LOC128125817: variants seen among roughly 807,000 people sequenced by gnomAD.
At chr1:41,593,729 C>T in the LOC128125817 span, among the ~76,000 whole-genome samples, 3 of 152,254 alleles carry the variant, frequency 2.0e-5, no homozygotes, top group South Asian at 4.1e-4. Context: ...ATTTGGTTCC[C>T]ATTGCTGCTG....
chr1:41,616,941 T>C, the LOC128125817 span, among the ~76,000 whole-genome samples: 1 of 152,172 alleles, frequency 6.6e-6, no homozygotes, highest in Admixed American at 6.5e-5. Context: ...ACAGGCACTA[T>C]TGCAATCCCT....
the LOC128125817 span, among the ~76,000 whole-genome samples, chr1:41,614,035 A>C: frequency 6.6e-6 from 1 of 152,210 alleles, no homozygotes; most frequent in African/African-American, 2.4e-5. Context: ...AATGCCTGTG[A>C]GATCACGCAG....
At chr1:41,587,964 C>A in the LOC128125817 span, among the ~76,000 whole-genome samples, 2 of 152,192 alleles carry the variant, frequency 1.3e-5, no homozygotes, top group Admixed American at 1.3e-4. Context: ...AGCATCTGAA[C>A]AATAGAGTTG....
the LOC128125817 span, among the ~76,000 whole-genome samples, chr1:41,613,867 T>C: frequency 0.093 from 14,121 of 152,282 alleles, 693 homozygotes; most frequent in Middle Eastern, 0.17. Context: ...TCCATCTCTA[T>C]AAATTTGCCT....
chr1:41,598,424 C>T, the LOC128125817 span, among the ~76,000 whole-genome samples: 1 of 152,218 alleles, frequency 6.6e-6, no homozygotes, highest in Non-Finnish European at 1.5e-5. Context: ...CACACACACA[C>T]TATAAGATGA....
the LOC128125817 span, among the ~76,000 whole-genome samples, chr1:41,626,488 TG>T: frequency 6.6e-6 from 1 of 152,118 alleles, no homozygotes. Flanking sequence ...ACAAAGAGTC[TG>T]GGCACGAAGC....
chr1:41,606,326 C>T, the LOC128125817 span, among the ~76,000 whole-genome samples: 1 of 151,984 alleles, frequency 6.6e-6, no homozygotes, highest in Non-Finnish European at 1.5e-5. Context: ...AATTTGTCCA[C>T]ATTCTCTACT....
the LOC128125817 span, among the ~76,000 whole-genome samples, chr1:41,609,512 G>A: frequency 6.6e-6 from 1 of 152,092 alleles, no homozygotes; most frequent in Non-Finnish European, 1.5e-5. Flanking sequence ...TACCACAGCT[G>A]AGATTCAGCG....
the LOC128125817 span, among the ~76,000 whole-genome samples, chr1:41,586,020 G>A: frequency 1.3e-5 from 2 of 152,236 alleles, no homozygotes; most frequent in Non-Finnish European, 2.9e-5. Flanking sequence ...GCCACAGCCT[G>A]TGAGAACTTA....
At chr1:41,588,826 G>A in the LOC128125817 span, among the ~76,000 whole-genome samples, 1 of 152,122 alleles carries the variant, frequency 6.6e-6, no homozygotes, top group African/African-American at 2.4e-5. Flanking sequence ...CCACACTGGG[G>A]CTTGGACTTC....
chr1:41,610,914 A>G, the LOC128125817 span, among the ~76,000 whole-genome samples: 3 of 152,156 alleles, frequency 2.0e-5, no homozygotes, highest in East Asian at 5.8e-4. Context: ...CCAAGCTCCC[A>G]CTCTGTGCTC....
At chr1:41,598,663 A>G in the LOC128125817 span, among the ~76,000 whole-genome samples, 3 of 152,236 alleles carry the variant, frequency 2.0e-5, no homozygotes, top group Non-Finnish European at 2.9e-5. Flanking sequence ...CAGGCCAGTA[A>G]GATGAAAACA....
chr1:41,622,002 G>A, the LOC128125817 span, among the ~76,000 whole-genome samples: 1 of 152,218 alleles, frequency 6.6e-6, no homozygotes, highest in Non-Finnish European at 1.5e-5. Context: ...TTCCTGCCTG[G>A]ATTGCTGGCT....
the LOC128125817 span, among the ~76,000 whole-genome samples, chr1:41,622,774 A>G: frequency 6.6e-6 from 1 of 152,210 alleles, no homozygotes; most frequent in African/African-American, 2.4e-5. Context: ...TGGAGCAGGC[A>G]AGCCAGGGGA....
At chr1:41,606,050 A>G in the LOC128125817 span, among the ~76,000 whole-genome samples, 1 of 149,578 alleles carries the variant, frequency 6.7e-6, no homozygotes, top group Non-Finnish European at 1.5e-5. Context: ...TAATCTCTCT[A>G]AAATCTGATG....
the LOC128125817 span, among the ~76,000 whole-genome samples, chr1:41,605,358 TACACACACGCACACGCGCACAC>T: frequency 7.7e-6 from 1 of 130,676 alleles, no homozygotes; most frequent in Admixed American, 8.1e-5. Flanking sequence ...AGATATTACA[TACACACACGCACACGCGCACAC>T]ACACACACAC....
chr1:41,595,345 T>C, the LOC128125817 span, among the ~76,000 whole-genome samples: 1 of 152,182 alleles, frequency 6.6e-6, no homozygotes, highest in Non-Finnish European at 1.5e-5. Context: ...ATTCAGCCAT[T>C]GGCGTTTCAG....
the LOC128125817 span, among the ~76,000 whole-genome samples, chr1:41,608,801 G>A: frequency 6.6e-6 from 1 of 152,040 alleles, no homozygotes; most frequent in African/African-American, 2.4e-5. Context: ...GCTGGGCACG[G>A]TGGCTCACAC....
At chr1:41,609,991 C>A in the LOC128125817 span, among the ~76,000 whole-genome samples, 1 of 152,218 alleles carries the variant, frequency 6.6e-6, no homozygotes, top group Non-Finnish European at 1.5e-5. Context: ...CTCGGTTGAA[C>A]GCCTTAACAG....
Sources: allele counts gnomAD v4.1 joint callset (sites outside exome capture counted in the v4.1 genomes callset), GRCh38; gene constraint gnomAD v4.1.1; transcripts MANE v1.5.